The following PROSER2 variants were observed in gnomAD, a reference collection of about 807,000 sequenced individuals.
The protein encoded by PROSER2 is proline and serine rich 2, also known as proline and serine-rich protein 2.
PROSER2 carries 18 observed loss-of-function variants against 14.6 expected under a neutral mutation model. The observed-to-expected ratio is 1.23, with a 90% CI of 0.85 to 1.83. PROSER2 has a LOEUF of 1.83. Ranked by LOEUF, PROSER2 falls within the 40% of genes most tolerant of loss-of-function variation. The pLI, the probability that PROSER2 is intolerant of heterozygous loss-of-function variation, is 0.00. For missense variants in PROSER2, 823 were observed against 629.8 expected (o/e 1.31, Z -3.28); for synonymous variants, 367 against 286.4 (o/e 1.28, Z -2.84).
chr10:11,865,483 C>G lies in PROSER2; in HGVS notation c.139-1048C>G, dbSNP rs749782818. 8.5e-5 allele frequency among the ~76,000 whole-genome samples: 13 copies of G among 152,186 alleles called. No homozygotes were observed. The highest frequency in any genetic ancestry group is 1.3e-4 in the Admixed American group (2 of 15,282). The stretch of plus-strand genomic sequence containing the variant: ...TCACATTAACAGTTTTCCTCAGATG[C>G]TCGGTGGTTATTAGATATCTGCGCA... On this transcript the variant is annotated intron_variant, in intron 2 of 3. Transcript: ENST00000277570. The surrounding 1 kb of genome is among the most constrained non-coding windows in gnomAD (Gnocchi z 4.2).
chr10:11,826,087 T>C (rs1833608354), intron 1 of PROSER2, among the ~76,000 whole-genome samples: 1 of 152,176 alleles, frequency 6.6e-6, no homozygotes, highest in Non-Finnish European at 1.5e-5. Flanking sequence ...CTCGGTAGAC[T>C]TGCCCCTTCT....
At position 11,830,127 on chromosome 10, in the gene PROSER2, G is replaced by C. The variant is rs2131045839; in HGVS notation, c.-82+6657G>C. ...CAAAGTGCCGGGATTACAGGTGTGAGCCACTGTGCCAGCCACAATAGGCAG... is the reference window on the plus strand; with the variant it reads ...CAAAGTGCCGGGATTACAGGTGTGACCCACTGTGCCAGCCACAATAGGCAG... On this transcript the variant is annotated intron_variant, in intron 1 of 3. Transcript: ENST00000277570. The surrounding 1 kb of genome is among the most constrained non-coding windows in gnomAD (Gnocchi z 4.5). Among the ~76,000 whole-genome samples the C allele has an allele frequency of 6.6e-6, 1 of 152,230 alleles. No individual in the cohort carries two copies. Among genetic ancestry groups the C allele is most frequent in the African/African-American group, 2.4e-5 (1 of 41,548 alleles).
chr10:11,870,446 C>A lies in PROSER2; in HGVS notation c.*40C>A. 7.1e-7 allele frequency: 1 copy of A among 1,401,132 alleles called. No homozygotes were observed. The highest frequency in any genetic ancestry group is 9.3e-7 in the Non-Finnish European group (1 of 1,071,208). 86.8% of individuals were successfully genotyped at this position (1,401,132 alleles called of 1,614,324 possible). On this transcript the variant is annotated 3_prime_UTR_variant, in exon 4 of 4. Transcript: ENST00000277570. ...CCAGTCCACCCCGTTTCTCCCCACC[C>A]TGAAGAGAGGGTGAAAGAGTCGCTG...
At chr10:11,824,210 A>G (rs1250261109) in intron 1 of PROSER2, among the ~76,000 whole-genome samples, 1 of 152,178 alleles carries the variant, frequency 6.6e-6, no homozygotes, top group Non-Finnish European at 1.5e-5. Context: ...CGTGCAGAGC[A>G]GAAAAGTTAA....
intron 1 of PROSER2, among the ~76,000 whole-genome samples, chr10:11,833,235 C>CGTTTTTT (rs1833711464): frequency 1.1e-5 from 1 of 87,668 alleles, no homozygotes; most frequent in East Asian, 5.2e-4. Flanking sequence ...AATGTTGTGG[C>CGTTTTTT]TTTTTTTTTT....
In PROSER2 at chr10:11,851,943, G is replaced by A. The variant is rs1235999307; in HGVS notation, c.-81-54G>A. 2.9e-5 allele frequency: 25 copies of A among 848,574 alleles called. No homozygotes were observed. In the East Asian group the frequency reaches 7.9e-4, roughly 27 times the overall value. 52.6% of individuals were successfully genotyped at this position (848,574 alleles called of 1,614,324 possible). A position where few individuals can be genotyped will look rare whatever the true frequency, so the allele number is the denominator to read the frequency against. On this transcript the variant is annotated intron_variant, in intron 1 of 3. Coordinates refer to ENST00000277570, the MANE Select transcript of PROSER2 (RefSeq NM_153256.4). ...TAAGCCATGTTTTTGAGGGATTGAG[G>A]CGTTTTACAGTCTCGGCTTACTGAC...
chr10:11,854,586 T>G (rs1300247861), intron 2 of PROSER2, among the ~76,000 whole-genome samples: 1 of 151,710 alleles, frequency 6.6e-6, no homozygotes. Context: ...GCTGGGATTA[T>G]AGGCATGAGC....
chr10:11,825,056 G>A (rs1362098522), intron 1 of PROSER2, among the ~76,000 whole-genome samples: 2 of 152,192 alleles, frequency 1.3e-5, no homozygotes, highest in Admixed American at 6.5e-5. Flanking sequence ...ACCAGATCAA[G>A]CAAGCCTTCA....
intron 1 of PROSER2, among the ~76,000 whole-genome samples, chr10:11,829,190 C>A: frequency 6.6e-6 from 1 of 151,422 alleles, no homozygotes; most frequent in Non-Finnish European, 1.5e-5. Context: ...CTGAGGAAGA[C>A]AGAATAGAAA....
Position 11,837,167 on chromosome 10 carries a change from G to A in PROSER2, c.-82+13697G>A, listed in dbSNP as rs975975898. On this transcript the variant is annotated intron_variant, in intron 1 of 3. Transcript: ENST00000277570. This position sits in a 1 kb window ranked among gnomAD's most constrained non-coding sequence, Gnocchi z 4.6. ...GTATATGCTGAAGAGAAGCTACCAA[G>A]TGCTTCCTTTAAGTGAAAAGATGTG... Among the ~76,000 whole-genome samples the A allele has an allele frequency of 3.9e-5, 6 of 152,098 alleles. No homozygotes were observed. The highest frequency in any genetic ancestry group is 7.3e-5 in the Non-Finnish European group (5 of 68,028).
chr10:11,861,089 G>A (rs1212905051), intron 2 of PROSER2, among the ~76,000 whole-genome samples: 1 of 152,222 alleles, frequency 6.6e-6, no homozygotes, highest in African/African-American at 2.4e-5. Context: ...CTGGGCGACA[G>A]AGCAAGACTC....
intron 1 of PROSER2, among the ~76,000 whole-genome samples, chr10:11,845,416 AC>A (rs1198638396): frequency 1.3e-5 from 2 of 152,118 alleles, no homozygotes; most frequent in Non-Finnish European, 2.9e-5. Context: ...GTCTAATAGT[AC>A]ATTTAAAATT....
Position 11,869,553 on chromosome 10 carries a change from C to G in PROSER2, c.455C>G (p.Pro152Arg). The G allele has an allele frequency of 6.2e-7, 1 of 1,613,554 alleles. No individual in the cohort carries two copies. The highest frequency in any genetic ancestry group is 8.5e-7 in the Non-Finnish European group (1 of 1,179,550). ...QDAETPPPPD[P>R]PAPETLLAPP... The stretch of plus-strand genomic sequence containing the variant: ...GCTGAGACTCCTCCACCTCCAGACC[C>G]CCCGGCTCCCGAGACCCTTCTTGCG... Residue 152 changes from proline (P) to arginine (R), a missense_variant, in exon 4 of 4, where the codon CCC becomes CGC. Transcript: ENST00000277570. This position sits in a 1 kb window ranked among gnomAD's most constrained non-coding sequence, Gnocchi z 4.4.
At chr10:11,867,508 CA>C (rs1564314912) in intron 3 of PROSER2, among the ~76,000 whole-genome samples, 2 of 150,836 alleles carry the variant, frequency 1.3e-5, no homozygotes, top group East Asian at 3.9e-4. Context: ...CCTGTAGTCC[CA>C]GCTGGTCCAG....
rs926150844 is a variant in PROSER2 at position 11,871,144 on chromosome 10, G to A, written c.*738G>A. 2.0e-5 allele frequency: 3 copies of A among 152,230 alleles called. No homozygotes were observed. Among genetic ancestry groups the A allele is most frequent in the African/African-American group, 7.2e-5 (3 of 41,438 alleles). The allele number at this position is 152,230 out of a possible 1,614,324, so 9.4% of individuals were successfully genotyped here. A position where few individuals can be genotyped will look rare whatever the true frequency, so the allele number is the denominator to read the frequency against. ...GATACGTACGTGTCAACACATACATGCATAGGTATCCTGTGTGTCCACATG... is the reference window on the plus strand; with the variant it reads ...GATACGTACGTGTCAACACATACATACATAGGTATCCTGTGTGTCCACATG... On this transcript the variant is annotated 3_prime_UTR_variant, in exon 4 of 4. Transcript: ENST00000277570.
At chr10:11,861,814 G>A (rs554375117) in intron 2 of PROSER2, among the ~76,000 whole-genome samples, 4 of 152,252 alleles carry the variant, frequency 2.6e-5, no homozygotes, top group African/African-American at 4.8e-5. Context: ...CATGCCTCCC[G>A]AGGAATATAA....
intron 2 of PROSER2, among the ~76,000 whole-genome samples, chr10:11,861,927 C>G (rs1748551560): frequency 6.6e-6 from 1 of 152,196 alleles, no homozygotes; most frequent in African/African-American, 2.4e-5. Flanking sequence ...ACACTGGAAA[C>G]TATGAGAAAC....
At position 11,833,432 on chromosome 10, in the gene PROSER2, G is replaced by A. The variant is rs111589468; in HGVS notation, c.-82+9962G>A. Among the ~76,000 whole-genome samples, 858 of 151,326 alleles carry A rather than the reference G, an allele frequency of 5.7e-3. 4 individuals are homozygous for A. Among genetic ancestry groups the A allele is most frequent in the South Asian group, 8.6e-3 (41 of 4,786 alleles). On this transcript the variant is annotated intron_variant, in intron 1 of 3. Coordinates refer to ENST00000277570, the MANE Select transcript of PROSER2 (RefSeq NM_153256.4). ...CCGGCTGGGTGTGGTGGCTCACACC[G>A]GTAATCCCAGCACTTTGGGAGGCCA...
chr10:11,864,111 C>T (rs1834298069), intron 2 of PROSER2, among the ~76,000 whole-genome samples: 1 of 152,206 alleles, frequency 6.6e-6, no homozygotes, highest in South Asian at 2.1e-4. Context: ...GACAGGCTGA[C>T]ATGGGAGATC....
Sources: allele counts gnomAD v4.1 joint callset (sites outside exome capture counted in the v4.1 genomes callset), GRCh38; gene constraint gnomAD v4.1.1; non-coding constraint Gnocchi (gnomAD v3.1); transcripts MANE v1.5; gene names NCBI Gene and HGNC (gene_info 2026-07-23, HGNC 2026-07-21).